The following ARMH1 variants were observed in gnomAD, a reference collection of about 807,000 sequenced individuals.
ARMH1 encodes the protein armadillo like helical domain containing 1.
Under a neutral mutation model 50.2 loss-of-function variants are expected in ARMH1, and 34 were observed. That is an observed-to-expected ratio of 0.68 (90% CI 0.51 to 0.90). The LOEUF is 0.90. ARMH1 is among the 40% of genes least tolerant of loss of function. The probability of loss-of-function intolerance (pLI) is 0.00; values close to 1 mark genes in which losing one functional copy is unlikely to be tolerated. For missense variants in ARMH1, 538 were observed against 553.9 expected (o/e 0.97, Z 0.29); for synonymous variants, 221 against 224.2 (o/e 0.99, Z 0.13).
At chr1:44,706,390 C>T (rs1033151350) in intron 6 of ARMH1, among the ~76,000 whole-genome samples, 7 of 152,054 alleles carry the variant, frequency 4.6e-5, no homozygotes, top group Non-Finnish European at 1.0e-4. Flanking sequence ...GGACAGACAG[C>T]CCCAGTAAGC....
At chr1:44,722,553 C>A (rs2148796511) in intron 6 of ARMH1, among the ~76,000 whole-genome samples, 1 of 151,294 alleles carries the variant, frequency 6.6e-6, no homozygotes, top group Non-Finnish European at 1.5e-5. Flanking sequence ...CAAGACCAGC[C>A]TTGCCAACAT....
intron 6 of ARMH1, among the ~76,000 whole-genome samples, chr1:44,717,145 G>A (rs4529751): frequency 0.42 from 63,164 of 151,986 alleles, 13,843 homozygotes; most frequent in African/African-American, 0.54. Context: ...CACCGCGCCC[G>A]GCCTGAAATC....
intron 5 of ARMH1, among the ~76,000 whole-genome samples, chr1:44,702,447 C>T (rs1238023102): frequency 6.6e-6 from 1 of 152,092 alleles, no homozygotes; most frequent in Non-Finnish European, 1.5e-5. Context: ...GGCGCAGTGG[C>T]TTACTCCTGT....
chr1:44,704,517 GTT>G (rs138347198), intron 6 of ARMH1, among the ~76,000 whole-genome samples: 2 of 146,596 alleles, frequency 1.4e-5, no homozygotes, highest in Non-Finnish European at 1.5e-5. Flanking sequence ...TTTTTGCTGG[GTT>G]TTTTTTTTTT....
chr1:44,725,076 C>T (rs1648085863), intron 10 of ARMH1, 60 bp from the exon 11 acceptor site: 1 of 1,549,028 alleles, frequency 6.5e-7, no homozygotes. Context: ...CTGCCAAGCC[C>T]AACTCCAAGT....
At chr1:44,719,793 C>A (rs917202371) in intron 6 of ARMH1, among the ~76,000 whole-genome samples, 5 of 152,236 alleles carry the variant, frequency 3.3e-5, no homozygotes, top group Admixed American at 3.3e-4. Context: ...GGACCACACT[C>A]TTCCCCTTTC....
chr1:44,713,183 A>G (rs1646695948), intron 6 of ARMH1, among the ~76,000 whole-genome samples: 2 of 141,592 alleles, frequency 1.4e-5, no homozygotes, highest in Admixed American at 7.6e-5. Context: ...ACTGCAACCT[A>G]CACCTCCTGG....
At chr1:44,712,686 T>C (rs1356956407) in intron 6 of ARMH1, among the ~76,000 whole-genome samples, 1 of 150,980 alleles carries the variant, frequency 6.6e-6, no homozygotes, top group Non-Finnish European at 1.5e-5. Context: ...TTTTTTGAGA[T>C]GGAGTCTTGC....
rs760373272 is a variant in ARMH1 at position 44,724,810 on chromosome 1, A to G, written c.1099A>G (p.Met367Val). The change falls in exon 10 of 12, where the codon ATG (methionine) becomes GTG (valine). Residue 367 changes from methionine (M) to valine (V), a missense_variant. Transcript: ENST00000535358. The surrounding 1 kb of genome is among the most constrained non-coding windows in gnomAD (Gnocchi z 6.4). ...GGTGGCGGAGCACGTGCGCAAGTGC[A>G]TGGGGGAGGAACTCTACCAGCTCTT... ...PLVAEHVRKCMGEELYQLFLS... is the reference protein window; with the variant it reads ...PLVAEHVRKCVGEELYQLFLS... 2 of 1,542,848 alleles carry G rather than the reference A, an allele frequency of 1.3e-6. No individual in the cohort carries two copies. The highest frequency in any genetic ancestry group is 2.0e-5 in the Admixed American group (1 of 50,942).
chr1:44,705,318 C>G lies in ARMH1; in HGVS notation c.724+1145C>G, dbSNP rs569702296. On this transcript the variant is annotated intron_variant, in intron 6 of 11. Transcript: ENST00000535358. ...CCAGCCCGGCCAACACAGCAAAACC[C>G]CGTCTCTACTAAGAATACAAAAAAA... Among the ~76,000 whole-genome samples the G allele has an allele frequency of 2.2e-4, 34 of 152,088 alleles. No individual in the cohort carries two copies. The East Asian group carries it at 6.4e-3, about 29-fold the overall frequency.
intron 6 of ARMH1, among the ~76,000 whole-genome samples, chr1:44,712,535 C>CAA (rs35480137): frequency 1.3e-3 from 82 of 64,576 alleles, no homozygotes; most frequent in Non-Finnish European, 1.8e-3. Context: ...CAGGGAACCG[C>CAA]AAAAAAAAAA....
Position 44,725,190 on chromosome 1 carries a change from G to A in ARMH1, c.1183G>A (p.Ala395Thr). The A allele has an allele frequency of 6.4e-7, 1 of 1,552,034 alleles. No homozygotes were observed. The highest frequency in any genetic ancestry group is 8.7e-7 in the Non-Finnish European group (1 of 1,147,048). Residue 395 changes from alanine (A) to threonine (T), a missense_variant, in exon 11 of 12, where the codon GCG (alanine) becomes ACG (threonine). Coordinates refer to ENST00000535358, the MANE Select transcript of ARMH1 (RefSeq NM_001145636.2). ...KIDSIQADILAANTVNVTKAL... is the reference protein window; with the variant it reads ...KIDSIQADILTANTVNVTKAL... Reference sequence around the variant, plus strand: ...AGACAGCATTCAGGCGGACATCTTGGCGGCCAACACAGTCAATGTTACCAA... The same window carrying A: ...AGACAGCATTCAGGCGGACATCTTGACGGCCAACACAGTCAATGTTACCAA...
intron 6 of ARMH1, among the ~76,000 whole-genome samples, chr1:44,713,610 T>C (rs575492568): frequency 2.6e-5 from 4 of 152,328 alleles, no homozygotes; most frequent in Admixed American, 2.0e-4. Flanking sequence ...TCAGCGTTTA[T>C]AAAAGTCTAT....
At chr1:44,701,954 T>C (rs1646101255) in intron 5 of ARMH1, among the ~76,000 whole-genome samples, 1 of 150,570 alleles carries the variant, frequency 6.6e-6, no homozygotes, top group Admixed American at 6.6e-5. Context: ...TCAAAAATAA[T>C]AATAACTGGC....
chr1:44,702,490 G>A (rs1646128628), intron 5 of ARMH1, among the ~76,000 whole-genome samples: 3 of 151,972 alleles, frequency 2.0e-5, no homozygotes, highest in Admixed American at 6.6e-5. Flanking sequence ...GAGGTGGGTG[G>A]ATCATGAGGT....
intron 6 of ARMH1, among the ~76,000 whole-genome samples, chr1:44,721,583 G>A (rs1011404524): frequency 9.2e-5 from 14 of 151,998 alleles, no homozygotes; most frequent in African/African-American, 2.7e-4. Context: ...ATGACAGTAG[G>A]CCGGGCACTA....
At chr1:44,711,779 TG>T (rs1646625872) in intron 6 of ARMH1, among the ~76,000 whole-genome samples, 1 of 152,226 alleles carries the variant, frequency 6.6e-6, no homozygotes, top group African/African-American at 2.4e-5. Context: ...CTAATGGTAA[TG>T]TTAACTCATA....
At chr1:44,695,945 A>C (rs1361528069) in intron 2 of ARMH1, among the ~76,000 whole-genome samples, 2 of 676 alleles carry the variant, frequency 3.0e-3, no homozygotes, top group African/African-American at 3.8e-3. Flanking sequence ...ACCCTATCTC[A>C]AAAAAAAAAA....
chr1:44,697,430 A>C (rs2148646500), intron 3 of ARMH1, among the ~76,000 whole-genome samples: 1 of 152,272 alleles, frequency 6.6e-6, no homozygotes, highest in East Asian at 1.9e-4. Context: ...ACTCAGAAAA[A>C]GGAAAATTAG....
Sources: allele counts gnomAD v4.1 joint callset (sites outside exome capture counted in the v4.1 genomes callset), GRCh38; gene constraint gnomAD v4.1.1; non-coding constraint Gnocchi (gnomAD v3.1); transcripts MANE v1.5; gene names NCBI Gene and HGNC (gene_info 2026-07-23, HGNC 2026-07-21).